ARID1B: variants seen among roughly 807,000 people sequenced by gnomAD.
The protein encoded by ARID1B is AT-rich interactive domain-containing protein 1B.
In ARID1B, 30 loss-of-function variants were observed where a neutral mutation model predicts 212.3. The ratio of observed to expected loss-of-function variants is 0.14; its 90% CI spans 0.11 to 0.19. The LOEUF (loss-of-function observed/expected upper bound fraction) is 0.19. ARID1B is among the 10% of genes least tolerant of loss of function. The pLI is 1.00. For missense variants in ARID1B, 2,891 were observed against 3,204.0 expected, an observed-to-expected ratio of 0.90 and a Z score of 2.36; for synonymous variants, 1,402 against 1,301.7, an observed-to-expected ratio of 1.08 and a Z score of -1.66.
chr6:157,029,930 C>T (rs187250328), intron 4 of ARID1B, among the ~76,000 whole-genome samples: 1 of 152,340 alleles, frequency 6.6e-6, no homozygotes, highest in African/African-American at 2.4e-5. Flanking sequence ...GCTTTCAGAA[C>T]TTCCTTTAGT....
rs56983474 is a variant in ARID1B at position 156,823,688 on chromosome 6, G to GTTTT, written c.1792-5525_1792-5522dup. 4.9e-3 allele frequency among the ~76,000 whole-genome samples: 574 copies of GTTTT among 117,972 alleles called. 7 individuals carry two copies. Among genetic ancestry groups the GTTTT allele is most frequent in the African/African-American group, 0.015 (479 of 31,566 alleles). The allele number at this position is 117,972 out of a possible 152,430, so 77.4% of individuals were successfully genotyped here. ...GTTCTTTCGGTGGGTTTTCTTTGTTGTTTTTTTTTTTTTTTTTGTGAAGTG... is the reference window on the plus strand; with the variant it reads ...GTTCTTTCGGTGGGTTTTCTTTGTTGTTTTTTTTTTTTTTTTTTTTTGTGAAGTG... On this transcript the variant is annotated intron_variant, in intron 1 of 19. Transcript: ENST00000636930.
At chr6:156,934,376 A>G (rs1562494299) in intron 3 of ARID1B, among the ~76,000 whole-genome samples, 1 of 152,174 alleles carries the variant, frequency 6.6e-6, no homozygotes, top group Non-Finnish European at 1.5e-5. Flanking sequence ...TATATATGCT[A>G]ATTATTTCAG....
chr6:157,205,946 G>A, intron 19 of ARID1B: 1 of 575,806 alleles, frequency 1.7e-6, no homozygotes, highest in Non-Finnish European at 3.1e-6. Flanking sequence ...CAGCAAATAA[G>A]GAACATGCTA....
At chr6:157,174,740 A>AT (rs1554230095) in intron 10 of ARID1B, 107 bp from the exon 11 acceptor site, 34 of 297,234 alleles carry the variant, frequency 1.1e-4, no homozygotes, top group Non-Finnish European at 1.7e-5. Context: ...ATATATATAT[A>AT]ATATATATAA....
At chr6:157,166,959 A>C in intron 8 of ARID1B, 81 bp from the exon 9 acceptor site, 2 of 1,536,424 alleles carry the variant, frequency 1.3e-6, no homozygotes, top group Non-Finnish European at 1.7e-6. Flanking sequence ...ACATAAATGC[A>C]TTAGTAGAAA....
chr6:157,077,813 AC>A (rs1025595927), intron 4 of ARID1B, among the ~76,000 whole-genome samples: 21 of 152,326 alleles, frequency 1.4e-4, no homozygotes, highest in Admixed American at 2.6e-4. Flanking sequence ...ACACGTCAAC[AC>A]TGCCTTCTCC....
chr6:156,868,269 G>A (rs1374748645), intron 2 of ARID1B, among the ~76,000 whole-genome samples: 5 of 152,164 alleles, frequency 3.3e-5, no homozygotes, highest in Non-Finnish European at 7.3e-5. Flanking sequence ...GTGTTTCCTT[G>A]GTTGTCATCA....
intron 1 of ARID1B, chr6:156,780,444 A>T (rs901396478): frequency 1.3e-5 from 2 of 152,252 alleles, no homozygotes; most frequent in Non-Finnish European, 2.9e-5. Flanking sequence ...GGCTGAGCCT[A>T]AAGACTGACT....
rs371368729 is a variant in ARID1B, at chr6:156,994,488, TAAAAC to T, written c.2247+58916_2247+58920del. Among the ~76,000 whole-genome samples the T allele has an allele frequency of 7.9e-3, 1,191 of 151,610 alleles. 19 individuals are homozygous for T. Among genetic ancestry groups the T allele is most frequent in the African/African-American group, 0.027 (1,133 of 41,268 alleles). Reference sequence around the variant, plus strand: ...TCCTCCAAAAGGAGGAAATGATACTTAAAACAAATATACAAAAAAAAATACCTTTA... The same window carrying T: ...TCCTCCAAAAGGAGGAAATGATACTTAAATATACAAAAAAAAATACCTTTA... On this transcript the variant is annotated intron_variant, in intron 4 of 19. Transcript: ENST00000636930.
chr6:156,950,825 T>G (rs1420883774), intron 4 of ARID1B, among the ~76,000 whole-genome samples: 3 of 152,216 alleles, frequency 2.0e-5, no homozygotes, highest in African/African-American at 7.2e-5. Context: ...TATCCCTTCT[T>G]AAATCATACT....
chr6:156,945,512 A>G (rs1042015846), intron 4 of ARID1B, among the ~76,000 whole-genome samples: 9 of 151,538 alleles, frequency 5.9e-5, no homozygotes, highest in African/African-American at 1.9e-4. Flanking sequence ...TCCTGTTTTT[A>G]GAATTTCCTG....
chr6:157,174,146 G>A, intron 10 of ARID1B, 29 bp downstream of exon 10: 1 of 1,598,614 alleles, frequency 6.3e-7, no homozygotes, highest in East Asian at 2.2e-5. Context: ...CACGCGGTGT[G>A]AGGTCTGCCT....
At chr6:156,934,961 T>TATATAA (rs1235681331) in intron 3 of ARID1B, among the ~76,000 whole-genome samples, 17 of 90,440 alleles carry the variant, frequency 1.9e-4, no homozygotes, top group African/African-American at 7.0e-4. Flanking sequence ...TATATATATA[T>TATATAA]AGTTTATATT....
intron 4 of ARID1B, among the ~76,000 whole-genome samples, chr6:156,997,590 G>A (rs1778668397): frequency 6.6e-6 from 1 of 151,380 alleles, no homozygotes; most frequent in Admixed American, 6.6e-5. Flanking sequence ...CAGATGTAGA[G>A]AAATTCTTAT....
At chr6:156,969,904 T>C (rs1158648436) in intron 4 of ARID1B, among the ~76,000 whole-genome samples, 2 of 151,638 alleles carry the variant, frequency 1.3e-5, no homozygotes, top group Non-Finnish European at 2.9e-5. Flanking sequence ...TTTTTTTTTT[T>C]TTTTTGCATT....
intron 3 of ARID1B, among the ~76,000 whole-genome samples, chr6:156,908,249 G>A (rs949203865): frequency 5.9e-5 from 9 of 152,050 alleles, no homozygotes; most frequent in African/African-American, 2.2e-4. Flanking sequence ...GCATATTCAA[G>A]TTAAAAATTT....
intron 1 of ARID1B, among the ~76,000 whole-genome samples, chr6:156,811,757 T>C (rs768668721): frequency 3.3e-5 from 5 of 152,168 alleles, no homozygotes; most frequent in Non-Finnish European, 7.4e-5. Flanking sequence ...TAGTCCCAAA[T>C]ACAATCACAT....
chr6:156,793,172 A>G (rs1583051363), intron 1 of ARID1B, among the ~76,000 whole-genome samples: 1 of 152,258 alleles, frequency 6.6e-6, no homozygotes, highest in East Asian at 1.9e-4. Flanking sequence ...CTGAGAAGGC[A>G]AAAGGGAATT....
At chr6:157,090,768 C>CAG (rs1785229955) in intron 5 of ARID1B, among the ~76,000 whole-genome samples, 1 of 152,072 alleles carries the variant, frequency 6.6e-6, no homozygotes, top group Non-Finnish European at 1.5e-5. Context: ...GGTCAGGGTG[C>CAG]CTTCAGAGCT....
Sources: allele counts gnomAD v4.1 joint callset (sites outside exome capture counted in the v4.1 genomes callset), GRCh38; gene constraint gnomAD v4.1.1; transcripts MANE v1.5; gene names NCBI Gene and HGNC (gene_info 2026-07-23, HGNC 2026-07-21).